The following PTPRD variants were observed in gnomAD, a reference collection of about 807,000 sequenced individuals.
The protein encoded by PTPRD is receptor-type tyrosine-protein phosphatase delta.
In PTPRD, 34 loss-of-function variants were observed where a neutral mutation model predicts 214.5. The ratio of observed to expected loss-of-function variants is 0.16; its 90% confidence interval spans 0.12 to 0.21. PTPRD has a LOEUF of 0.21. Among genes scored for constraint, PTPRD ranks in the 10% least tolerant of loss-of-function variants. The probability of loss-of-function intolerance (pLI) is 1.00; values close to 1 mark genes in which losing one functional copy is unlikely to be tolerated. For missense variants in PTPRD, 2,545 were observed against 2,398.7 expected (o/e 1.06, Z -1.27); for synonymous variants, 1,128 against 845.7 (o/e 1.33, Z -5.79).
chr9:10,024,955 T>A (rs528257516), intron 4 of PTPRD, among the ~76,000 whole-genome samples: 1 of 151,930 alleles, frequency 6.6e-6, no homozygotes, highest in South Asian at 2.1e-4. Flanking sequence ...ACAAAGGACA[T>A]GAACTCATCA....
chr9:9,707,744 T>C (rs2154419751), intron 7 of PTPRD, among the ~76,000 whole-genome samples: 1 of 152,218 alleles, frequency 6.6e-6, no homozygotes. Flanking sequence ...TGTACGTTTA[T>C]CTTATTTTTG....
intron 37 of PTPRD, among the ~76,000 whole-genome samples, chr9:8,377,835 GT>G (rs1469632928): frequency 6.6e-6 from 1 of 152,010 alleles, no homozygotes; most frequent in Non-Finnish European, 1.5e-5. Flanking sequence ...TTGCTTTTAT[GT>G]TTAATATGAG....
intron 4 of PTPRD, among the ~76,000 whole-genome samples, chr9:9,953,873 C>A (rs957638236): frequency 6.6e-6 from 1 of 152,174 alleles, no homozygotes; most frequent in Non-Finnish European, 1.5e-5. Flanking sequence ...GGCATACACA[C>A]ACTCAATGTT....
chr9:9,386,941 CA>C (rs2064077085), intron 9 of PTPRD, among the ~76,000 whole-genome samples: 1 of 152,164 alleles, frequency 6.6e-6, no homozygotes, highest in African/African-American at 2.4e-5. Context: ...ACCCTTTATG[CA>C]AAATCTACAG....
chr9:8,579,946 T>G (rs765505011), intron 14 of PTPRD, among the ~76,000 whole-genome samples: 4 of 152,126 alleles, frequency 2.6e-5, no homozygotes, highest in Admixed American at 6.5e-5. Context: ...ATCAGAGGTG[T>G]GAAACAGGAT....
chr9:10,256,492 T>G (rs975859637), intron 3 of PTPRD, among the ~76,000 whole-genome samples: 2 of 152,154 alleles, frequency 1.3e-5, no homozygotes, highest in African/African-American at 4.8e-5. Context: ...CATTATAATC[T>G]TATGGGACCA....
intron 5 of PTPRD, among the ~76,000 whole-genome samples, chr9:9,870,965 CAT>C (rs1341790131): frequency 6.6e-6 from 1 of 152,036 alleles, no homozygotes; most frequent in Non-Finnish European, 1.5e-5. Context: ...AAAATTAAGA[CAT>C]ATTAATACTA....
intron 3 of PTPRD, among the ~76,000 whole-genome samples, chr9:10,061,922 G>A (rs1310941493): frequency 6.6e-6 from 1 of 151,872 alleles, no homozygotes; most frequent in African/African-American, 2.4e-5. Context: ...AAATTATTAG[G>A]CCCCACCCAC....
intron 31 of PTPRD, among the ~76,000 whole-genome samples, chr9:8,470,090 T>C (rs1408897528): frequency 6.6e-6 from 1 of 152,130 alleles, no homozygotes; most frequent in East Asian, 1.9e-4. Context: ...TCCCAATAAA[T>C]TAAAATCTCA....
chr9:8,507,205 T>G, intron 22 of PTPRD, 96 bp downstream of exon 22: 1 of 1,401,544 alleles, frequency 7.1e-7, no homozygotes, highest in South Asian at 1.5e-5. Flanking sequence ...AGGTCCTCAA[T>G]AGCTCTCTGA....
chr9:8,986,789 C>A (rs1034486808), intron 11 of PTPRD, among the ~76,000 whole-genome samples: 1 of 151,954 alleles, frequency 6.6e-6, no homozygotes, highest in Non-Finnish European at 1.5e-5. Context: ...TAATATCAAA[C>A]GAATTATTTC....
intron 9 of PTPRD, among the ~76,000 whole-genome samples, chr9:9,198,660 G>C (rs2099940080): frequency 1.3e-5 from 2 of 152,160 alleles, no homozygotes; most frequent in African/African-American, 2.4e-5. Context: ...GCAAACTTAG[G>C]AGTTAGTTTT....
chr9:10,054,994 A>G (rs447910), intron 3 of PTPRD, among the ~76,000 whole-genome samples: 56,799 of 145,796 alleles, frequency 0.39, 11,492 homozygotes, highest in African/African-American at 0.54. Flanking sequence ...AAGAAAGAAA[A>G]AAAGAAAGAA....
intron 43 of PTPRD, 63 bp downstream of exon 43, chr9:8,338,859 G>GAGAGAC (rs1849581842): frequency 6.6e-7 from 1 of 1,506,264 alleles, no homozygotes; most frequent in African/African-American, 1.4e-5. Context: ...GAGAGAGAGA[G>GAGAGAC]AGAGAGGTAT....
intron 2 of PTPRD, among the ~76,000 whole-genome samples, chr9:10,383,975 G>A (rs907285754): frequency 4.0e-5 from 6 of 150,984 alleles, no homozygotes; most frequent in Non-Finnish European, 8.9e-5. Context: ...AATCATTAAA[G>A]AGGGCAGGCA....
At chr9:9,718,128 G>C (rs1038179067) in intron 7 of PTPRD, among the ~76,000 whole-genome samples, 1 of 152,020 alleles carries the variant, frequency 6.6e-6, no homozygotes, top group Non-Finnish European at 1.5e-5. Context: ...AGTTTATCAA[G>C]AAATAGACAC....
rs145110069 is a variant in PTPRD, at chr9:8,684,123, C to T, written c.65-47279G>A. Among the ~76,000 whole-genome samples the T allele has an allele frequency of 1.6e-4, 25 of 152,248 alleles. No homozygotes were observed. In the East Asian group the frequency reaches 3.9e-3, roughly 24 times the overall value. ...TCTCTGCTGCGCCCTATCTGAATTA[C>T]TAACCTATAGAAATCTGTGATAGTA... On this transcript the variant is annotated intron_variant, in intron 12 of 45. Transcript: ENST00000381196.
intron 8 of PTPRD, among the ~76,000 whole-genome samples, chr9:9,496,494 A>AAAAAGGC (rs943403086): frequency 6.6e-6 from 1 of 152,208 alleles, no homozygotes; most frequent in African/African-American, 2.4e-5. Context: ...TAATCATTAG[A>AAAAAGGC]AAAAGGCAAA....
intron 11 of PTPRD, among the ~76,000 whole-genome samples, chr9:8,755,473 GAGCCCA>G: frequency 6.7e-6 from 1 of 149,238 alleles, no homozygotes; most frequent in Admixed American, 6.7e-5. Flanking sequence ...AGGTTGCAGT[GAGCCCA>G]AGACACACCA....
Sources: allele counts gnomAD v4.1 joint callset (sites outside exome capture counted in the v4.1 genomes callset), GRCh38; gene constraint gnomAD v4.1.1; transcripts MANE v1.5; gene names NCBI Gene and HGNC (gene_info 2026-07-23, HGNC 2026-07-21).